ARHGAP24: variants seen among roughly 807,000 people sequenced by gnomAD.
The protein encoded by ARHGAP24 is rho GTPase-activating protein 24.
In ARHGAP24, 50 loss-of-function variants were observed where a neutral mutation model predicts 76.4. The observed-to-expected ratio is 0.65, with a 90% confidence interval of 0.52 to 0.83. The LOEUF (loss-of-function observed/expected upper bound fraction) is 0.83. ARHGAP24 is among the 40% of genes least tolerant of loss of function. ARHGAP24 has a pLI of 0.00. For synonymous variants in ARHGAP24, 345 were observed against 323.3 expected (o/e 1.07, Z -0.72); for missense variants, 930 against 914.2 (o/e 1.02, Z -0.22).
intron 3 of ARHGAP24, among the ~76,000 whole-genome samples, chr4:85,861,705 A>C (rs1252718657): frequency 1.3e-5 from 2 of 151,878 alleles, no homozygotes; most frequent in African/African-American, 2.4e-5. Context: ...TTACTTTATT[A>C]TTTTCTTCCT....
intron 2 of ARHGAP24, among the ~76,000 whole-genome samples, chr4:85,623,816 A>G (rs1720815489): frequency 6.6e-6 from 1 of 151,270 alleles, no homozygotes; most frequent in Admixed American, 6.6e-5. Context: ...CATCCTTTGT[A>G]AGTTGGATTC....
chr4:85,521,164 C>T (rs756526691), intron 1 of ARHGAP24, among the ~76,000 whole-genome samples: 2 of 152,054 alleles, frequency 1.3e-5, no homozygotes, highest in Non-Finnish European at 2.9e-5. Flanking sequence ...TTCCCAAACC[C>T]TTTACTAATG....
chr4:85,650,368 A>G (rs1721889951), intron 2 of ARHGAP24, among the ~76,000 whole-genome samples: 1 of 149,734 alleles, frequency 6.7e-6, no homozygotes, highest in Non-Finnish European at 1.5e-5. Context: ...TTCAATGTGT[A>G]TGTAACATTG....
At chr4:85,575,471 G>T (rs1182757396) in intron 2 of ARHGAP24, among the ~76,000 whole-genome samples, 1 of 152,124 alleles carries the variant, frequency 6.6e-6, no homozygotes, top group Non-Finnish European at 1.5e-5. Context: ...ATTCTGTACA[G>T]AAGAATCTAT....
chr4:85,816,950 G>A (rs957950903), intron 3 of ARHGAP24, among the ~76,000 whole-genome samples: 19 of 152,074 alleles, frequency 1.2e-4, no homozygotes, highest in Non-Finnish European at 2.2e-4. Context: ...TTTGATAATA[G>A]ACATTCTAAT....
At chr4:85,654,645 A>T (rs182442192) in intron 2 of ARHGAP24, among the ~76,000 whole-genome samples, 1 of 152,298 alleles carries the variant, frequency 6.6e-6, no homozygotes, top group Admixed American at 6.5e-5. Flanking sequence ...ATATATTTTA[A>T]TCTACATTTT....
chr4:85,712,250 A>C (rs527437029), intron 2 of ARHGAP24, among the ~76,000 whole-genome samples: 1 of 152,284 alleles, frequency 6.6e-6, no homozygotes, highest in South Asian at 2.1e-4. Context: ...GGGTGGGGTC[A>C]GAAAGGATTT....
intron 3 of ARHGAP24, among the ~76,000 whole-genome samples, chr4:85,849,669 T>C (rs1293953643): frequency 6.6e-6 from 1 of 152,224 alleles, no homozygotes; most frequent in Non-Finnish European, 1.5e-5. Context: ...GGCTGTTGCA[T>C]TTTATTGAAG....
At chr4:85,670,804 C>T (rs1439158181) in intron 2 of ARHGAP24, among the ~76,000 whole-genome samples, 2 of 152,116 alleles carry the variant, frequency 1.3e-5, no homozygotes, top group East Asian at 3.9e-4. Context: ...AACTAATAGT[C>T]AAGCTGATCA....
At chr4:85,510,935 G>A (rs1041700768) in intron 1 of ARHGAP24, among the ~76,000 whole-genome samples, 1 of 152,002 alleles carries the variant, frequency 6.6e-6, no homozygotes, top group Non-Finnish European at 1.5e-5. Flanking sequence ...GCATAGTAAC[G>A]GTATATTATG....
intron 2 of ARHGAP24, among the ~76,000 whole-genome samples, chr4:85,661,559 CA>C (rs1048790091): frequency 4.5e-4 from 69 of 152,048 alleles, no homozygotes; most frequent in African/African-American, 1.5e-3. Context: ...GGTACATGTG[CA>C]CATTGTGCAG....
chr4:85,671,994 A>C (rs894745120), intron 2 of ARHGAP24, among the ~76,000 whole-genome samples: 8 of 152,182 alleles, frequency 5.3e-5, no homozygotes, highest in Non-Finnish European at 1.5e-5. Flanking sequence ...TTTTGAGTGA[A>C]ATGTTAACCC....
chr4:85,492,852 A>T (rs185335648), intron 1 of ARHGAP24, among the ~76,000 whole-genome samples: 3 of 152,332 alleles, frequency 2.0e-5, no homozygotes, highest in East Asian at 1.9e-4. Flanking sequence ...TGTAGTTGTT[A>T]TTCAAATTTC....
In ARHGAP24 at chr4:85,589,352, T is replaced by A. The variant is rs532595083; in HGVS notation, c.180+18631T>A. On this transcript the variant is annotated intron_variant, in intron 2 of 9. Transcript: ENST00000395184. ...AAATTTTGATAGTTCTTGAAATGTG[T>A]ATTTTATTCATATGTCATTCATTAT... 2.0e-5 allele frequency among the ~76,000 whole-genome samples: 3 copies of A among 152,330 alleles called. No individual in the cohort carries two copies. The East Asian group carries it at 5.8e-4, about 29-fold the overall frequency.
intron 4 of ARHGAP24, chr4:85,930,734 T>G: frequency 7.8e-7 from 1 of 1,288,706 alleles, no homozygotes; most frequent in Non-Finnish European, 9.8e-7. Flanking sequence ...AAGGAAGTTT[T>G]TTTTTGCTAA....
intron 3 of ARHGAP24, among the ~76,000 whole-genome samples, chr4:85,847,295 T>C (rs1003284987): frequency 5.9e-5 from 9 of 152,208 alleles, no homozygotes; most frequent in Non-Finnish European, 7.3e-5. Flanking sequence ...CATTGTGTGA[T>C]AATACTATTC....
chr4:85,846,828 A>G (rs1313114873), intron 3 of ARHGAP24, among the ~76,000 whole-genome samples: 1 of 152,218 alleles, frequency 6.6e-6, no homozygotes, highest in Non-Finnish European at 1.5e-5. Flanking sequence ...CCCTTCAGTT[A>G]TGGGACCACT....
At chr4:85,495,726 T>C (rs1275966078) in intron 1 of ARHGAP24, among the ~76,000 whole-genome samples, 1 of 152,114 alleles carries the variant, frequency 6.6e-6, no homozygotes, top group East Asian at 1.9e-4. Flanking sequence ...TGTGTCTATT[T>C]TTAACAGTGT....
chr4:85,577,340 A>G (rs1727421388), intron 2 of ARHGAP24, among the ~76,000 whole-genome samples: 1 of 151,992 alleles, frequency 6.6e-6, no homozygotes, highest in South Asian at 2.1e-4. Flanking sequence ...TGCTTCAAAC[A>G]ACTATTTAGA....
Sources: allele counts gnomAD v4.1 joint callset (sites outside exome capture counted in the v4.1 genomes callset), GRCh38; gene constraint gnomAD v4.1.1; transcripts MANE v1.5; gene names NCBI Gene and HGNC (gene_info 2026-07-23, HGNC 2026-07-21).